Variants in SPOCK1 observed in about 807,000 individuals in gnomAD.
SPOCK1 encodes SPARC (osteonectin), cwcv and kazal like domains proteoglycan 1.
Under a neutral mutation model 55.3 loss-of-function variants are expected in SPOCK1, and 23 were observed. The ratio of observed to expected loss-of-function variants is 0.42; its 90% CI spans 0.30 to 0.59. The LOEUF (loss-of-function observed/expected upper bound fraction) is 0.59. Ranked by LOEUF, SPOCK1 falls within the 20% of genes least tolerant of loss-of-function variation. The probability of loss-of-function intolerance (pLI) is 0.22; values close to 1 mark genes in which losing one functional copy is unlikely to be tolerated. For missense variants in SPOCK1, 499 were observed against 552.5 expected (o/e 0.90, Z 0.97); for synonymous variants, 226 against 221.0 (o/e 1.02, Z -0.20).
At chr5:137,494,364 C>G (rs144554357) in intron 2 of SPOCK1, among the ~76,000 whole-genome samples, 1 of 152,118 alleles carries the variant, frequency 6.6e-6, no homozygotes, top group South Asian at 2.1e-4. Context: ...CCACTCAGCC[C>G]CTGATTGGCT....
intron 2 of SPOCK1, among the ~76,000 whole-genome samples, chr5:137,460,467 G>A (rs1322707172): frequency 1.3e-5 from 2 of 152,114 alleles, no homozygotes; most frequent in African/African-American, 4.8e-5. Flanking sequence ...CTCAGCAGCC[G>A]CTCCCTGCCC....
chr5:137,186,519 A>G (rs1350359677), intron 3 of SPOCK1, among the ~76,000 whole-genome samples: 1 of 152,256 alleles, frequency 6.6e-6, no homozygotes, highest in Non-Finnish European at 1.5e-5. Flanking sequence ...AGATAACATC[A>G]GTAACTTTCC....
At chr5:137,029,676 A>G (rs1751740412) in intron 6 of SPOCK1, among the ~76,000 whole-genome samples, 3 of 152,200 alleles carry the variant, frequency 2.0e-5, no homozygotes, top group African/African-American at 7.2e-5. Context: ...CCAAGAGGAA[A>G]CCAAATTTAT....
chr5:136,987,271 C>T (rs1376454462), intron 8 of SPOCK1, among the ~76,000 whole-genome samples: 1 of 152,020 alleles, frequency 6.6e-6, no homozygotes, highest in African/African-American at 2.4e-5. Flanking sequence ...AATGCATGAA[C>T]TGTAATTTGG....
At chr5:137,112,209 T>A (rs1298758971) in intron 5 of SPOCK1, among the ~76,000 whole-genome samples, 1 of 152,134 alleles carries the variant, frequency 6.6e-6, no homozygotes. Context: ...CTCAGAACCA[T>A]CCCTTCTTCT....
chr5:137,314,613 C>T (rs941806423), intron 2 of SPOCK1, among the ~76,000 whole-genome samples: 1 of 152,200 alleles, frequency 6.6e-6, no homozygotes, highest in Admixed American at 6.5e-5. Context: ...ACTCTGTTCT[C>T]TATGAAAAGT....
intron 2 of SPOCK1, among the ~76,000 whole-genome samples, chr5:137,416,774 C>T (rs1752344292): frequency 6.6e-6 from 1 of 152,110 alleles, no homozygotes; most frequent in African/African-American, 2.4e-5. Flanking sequence ...CCAAGCATTG[C>T]CAGACTTTTA....
At chr5:137,235,970 A>G (rs1293317896) in intron 3 of SPOCK1, among the ~76,000 whole-genome samples, 2 of 152,250 alleles carry the variant, frequency 1.3e-5, no homozygotes, top group Non-Finnish European at 2.9e-5. Flanking sequence ...CAAGTCCAGC[A>G]TCATGCTCAG....
chr5:137,227,210 A>C (rs896766693), intron 3 of SPOCK1, among the ~76,000 whole-genome samples: 2 of 152,214 alleles, frequency 1.3e-5, no homozygotes, highest in African/African-American at 2.4e-5. Context: ...GCAGTGGAGA[A>C]GGATGCTTAA....
At chr5:137,293,335 C>T (rs907797152) in intron 2 of SPOCK1, among the ~76,000 whole-genome samples, 2 of 152,088 alleles carry the variant, frequency 1.3e-5, no homozygotes, top group Non-Finnish European at 2.9e-5. Flanking sequence ...GGAAAGTGAT[C>T]CACCAAAGCA....
At chr5:137,242,166 A>G (rs900375934) in intron 3 of SPOCK1, among the ~76,000 whole-genome samples, 1 of 152,176 alleles carries the variant, frequency 6.6e-6, no homozygotes, top group Non-Finnish European at 1.5e-5. Flanking sequence ...TCCTGAGTTC[A>G]AGACCAGTCT....
intron 6 of SPOCK1, among the ~76,000 whole-genome samples, chr5:137,051,192 T>C (rs1393796792): frequency 6.6e-6 from 1 of 152,166 alleles, no homozygotes; most frequent in Non-Finnish European, 1.5e-5. Context: ...CAAAATACAG[T>C]TTCAGTTTTC....
intron 2 of SPOCK1, among the ~76,000 whole-genome samples, chr5:137,334,384 T>A (rs1228539973): frequency 6.6e-6 from 1 of 152,244 alleles, no homozygotes; most frequent in East Asian, 1.9e-4. Context: ...TCCAACAAGA[T>A]GTTTGGGGAG....
At chr5:137,418,147 T>A (rs1193083035) in intron 2 of SPOCK1, among the ~76,000 whole-genome samples, 1 of 152,234 alleles carries the variant, frequency 6.6e-6, no homozygotes, top group East Asian at 1.9e-4. Flanking sequence ...TCATTTTTTA[T>A]GGCTGCATAG....
chr5:137,358,390 A>AAAGGAAGGAAGGAGGG (rs1554077499), intron 2 of SPOCK1, among the ~76,000 whole-genome samples: 2 of 116,348 alleles, frequency 1.7e-5, no homozygotes, highest in East Asian at 5.9e-4. Flanking sequence ...TTCATGACGG[A>AAAGGAAGGAAGGAGGG]AAGGAAGGAA....
intron 3 of SPOCK1, among the ~76,000 whole-genome samples, chr5:137,182,152 C>A (rs1483625611): frequency 6.6e-6 from 1 of 152,150 alleles, no homozygotes; most frequent in Non-Finnish European, 1.5e-5. Flanking sequence ...TCAATGGATA[C>A]CATCAATTCT....
intron 2 of SPOCK1, among the ~76,000 whole-genome samples, chr5:137,302,583 TAAA>T: frequency 2.8e-5 from 1 of 35,654 alleles, no homozygotes; most frequent in East Asian, 7.1e-4. Flanking sequence ...TCTCAAAAAA[TAAA>T]TAAATAAATA....
Position 137,067,761 on chromosome 5 carries a change from G to C in SPOCK1, c.543C>G (p.Pro181=), listed in dbSNP as rs760774302. Residue 181 remains proline, a synonymous_variant, in exon 6 of 11, where the codon CCC becomes CCG. Transcript: ENST00000394945. The part of the protein sequence containing the change: ...SLATLCDGPC[P]CLPEPEPPKH... The stretch of plus-strand genomic sequence containing the variant: ...TTGGTGGCTCAGGCTCTGGGAGACA[G>C]GGACAGGGCCCATCACAGAGGGTGG... The C allele has an allele frequency of 2.5e-6, 4 of 1,614,142 alleles. No homozygotes were observed. Among genetic ancestry groups the C allele is most frequent in the Non-Finnish European group, 8.5e-7 (1 of 1,180,018 alleles).
Position 137,051,065 on chromosome 5 carries a change from G to A in SPOCK1, c.589+16650C>T, listed in dbSNP as rs144400567. On this transcript the variant is annotated intron_variant, in intron 6 of 10. Coordinates refer to ENST00000394945, the MANE Select transcript of SPOCK1 (RefSeq NM_004598.4). ...TTTCAAAATGATTTTGAATATCGTC[G>A]GAGAGAATAGATAAGAATACCCATG... Among the ~76,000 whole-genome samples, 155 of 152,164 alleles carry A rather than the reference G, an allele frequency of 1.0e-3. 3 individuals are homozygous for A. In the East Asian group the frequency reaches 0.015, roughly 15 times the overall value.
Sources: allele counts gnomAD v4.1 joint callset (sites outside exome capture counted in the v4.1 genomes callset), GRCh38; gene constraint gnomAD v4.1.1; transcripts MANE v1.5; gene names NCBI Gene and HGNC (gene_info 2026-07-23, HGNC 2026-07-21).